The following PCDHA2 variants were observed in gnomAD, a reference collection of about 807,000 sequenced individuals.
The protein encoded by PCDHA2 is protocadherin alpha 2, also known as protocadherin alpha-2.
Under a neutral mutation model 66.0 loss-of-function variants are expected in PCDHA2, and 58 were observed. That is an observed-to-expected ratio of 0.88 (90% CI 0.71 to 1.09). PCDHA2 has a LOEUF of 1.09. Ranked by LOEUF, PCDHA2 falls within the 50% of genes least tolerant of loss-of-function variation. The pLI is 0.00. For missense variants in PCDHA2, 1,267 were observed against 1,242.3 expected (o/e 1.02, Z -0.30); for synonymous variants, 634 against 554.0 (o/e 1.14, Z -2.03).
At chr5:140,870,273 C>T in intron 1 of PCDHA2, 10 of 1,614,192 alleles carry the variant, frequency 6.2e-6, no homozygotes, top group Non-Finnish European at 8.5e-6. Flanking sequence ...CGCTGACGCC[C>T]CACGTTCCCT....
intron 1 of PCDHA2, among the ~76,000 whole-genome samples, chr5:140,831,711 T>C (rs1771678683): frequency 6.6e-6 from 1 of 152,072 alleles, no homozygotes; most frequent in East Asian, 1.9e-4. Context: ...TGATTAAGTG[T>C]GAGTTTTGGT....
chr5:140,926,373 G>A (rs1040164585), intron 1 of PCDHA2: 3 of 152,370 alleles, frequency 2.0e-5, no homozygotes, highest in African/African-American at 4.8e-5. Context: ...GGCAGGAAGA[G>A]CCCAGCTGGG....
chr5:140,876,699 G>T (rs782209543), intron 1 of PCDHA2: 1 of 1,614,228 alleles, frequency 6.2e-7, no homozygotes. Context: ...CGTTGGTGCT[G>T]GACAGCGCCC....
At chr5:140,843,896 T>C in intron 1 of PCDHA2, 2 of 663,756 alleles carry the variant, frequency 3.0e-6, no homozygotes, top group East Asian at 5.6e-5. Context: ...TATTAATCAT[T>C]CTCCACAAGT....
chr5:140,945,909 TC>T (rs1440194990), intron 1 of PCDHA2, among the ~76,000 whole-genome samples: 3 of 151,962 alleles, frequency 2.0e-5, no homozygotes, highest in African/African-American at 7.2e-5. Context: ...AGATGAAAGA[TC>T]AATAACACTG....
At chr5:140,906,099 T>G (rs1377633678) in intron 1 of PCDHA2, among the ~76,000 whole-genome samples, 1 of 152,118 alleles carries the variant, frequency 6.6e-6, no homozygotes, top group African/African-American at 2.4e-5. Flanking sequence ...AGTAAGTGTG[T>G]CTTTCCCAGT....
chr5:140,968,022 A>G (rs782399233), intron 1 of PCDHA2: 3 of 1,614,142 alleles, frequency 1.9e-6, no homozygotes, highest in South Asian at 2.2e-5. Flanking sequence ...GGAAACTCCT[A>G]TACACTGGTG....
intron 1 of PCDHA2, chr5:140,823,113 C>G (rs2150122463): frequency 6.2e-7 from 1 of 1,614,074 alleles, no homozygotes; most frequent in Admixed American, 1.7e-5. Context: ...AAGTGGCCGA[C>G]GTGAACGACA....
chr5:141,006,127 C>CA (rs2098257011), intron 3 of PCDHA2, among the ~76,000 whole-genome samples: 1 of 147,760 alleles, frequency 6.8e-6, no homozygotes, highest in Admixed American at 6.7e-5. Flanking sequence ...TTTCTCAAGG[C>CA]AGTAGAAAGC....
intron 1 of PCDHA2, among the ~76,000 whole-genome samples, chr5:140,978,150 C>A (rs1009630892): frequency 6.6e-6 from 1 of 152,168 alleles, no homozygotes; most frequent in Non-Finnish European, 1.5e-5. Context: ...TTGTTCTCCC[C>A]CTTCAGACTG....
intron 3 of PCDHA2, among the ~76,000 whole-genome samples, chr5:140,993,766 C>T (rs567978996): frequency 9.2e-5 from 14 of 152,082 alleles, no homozygotes; most frequent in African/African-American, 1.7e-4. Context: ...ATTACAATTG[C>T]GCAGTATTTT....
intron 1 of PCDHA2, among the ~76,000 whole-genome samples, chr5:140,947,932 T>G (rs1444320082): frequency 1.3e-5 from 2 of 151,584 alleles, no homozygotes; most frequent in African/African-American, 4.8e-5. Flanking sequence ...CCTGATCTTA[T>G]GAGAAAAGTG....
At chr5:140,882,016 A>T in intron 1 of PCDHA2, 1 of 543,846 alleles carries the variant, frequency 1.8e-6, no homozygotes, top group Non-Finnish European at 3.0e-6. Context: ...AAAAAATACT[A>T]CATCAATGGA....
At chr5:140,807,396 G>C in intron 1 of PCDHA2, 1 of 1,442,524 alleles carries the variant, frequency 6.9e-7, no homozygotes, top group Non-Finnish European at 9.5e-7. Flanking sequence ...GCGTCCAAGG[G>C]CCGCGGAGGC....
At chr5:140,890,830 A>G (rs903756043) in intron 1 of PCDHA2, among the ~76,000 whole-genome samples, 1 of 152,182 alleles carries the variant, frequency 6.6e-6, no homozygotes, top group Non-Finnish European at 1.5e-5. Context: ...GTACTTACAT[A>G]TTTACCAGTT....
intron 1 of PCDHA2, chr5:140,803,738 C>G: frequency 7.1e-7 from 1 of 1,402,756 alleles, no homozygotes; most frequent in Non-Finnish European, 9.6e-7. Context: ...GTGGTTAAAA[C>G]GGTAAGATTT....
chr5:140,871,066 G>GA, intron 1 of PCDHA2: 1 of 1,613,276 alleles, frequency 6.2e-7, no homozygotes, highest in South Asian at 1.1e-5. Context: ...GGATCACGGT[G>GA]AGCCGGCGCT....
intron 1 of PCDHA2, among the ~76,000 whole-genome samples, chr5:140,827,631 T>C (rs1554130832): frequency 1.2e-4 from 19 of 152,238 alleles, no homozygotes; most frequent in Non-Finnish European, 1.5e-5. Flanking sequence ...GAGTGTAGAA[T>C]AGTTTACATT....
At chr5:140,869,718 T>C in intron 1 of PCDHA2, 1 of 1,613,408 alleles carries the variant, frequency 6.2e-7, no homozygotes, top group Non-Finnish European at 8.5e-7. Context: ...GAGAGAAAAC[T>C]CCGGAACTTA....
Sources: gnomAD v4.1 joint callset for allele counts (sites outside exome capture counted in the v4.1 genomes callset) on GRCh38, gnomAD v4.1.1 for gene constraint, MANE v1.5 for transcripts, NCBI Gene and HGNC (gene_info 2026-07-23, HGNC 2026-07-21) for gene names.